GCNT2: variants seen among roughly 807,000 people sequenced by gnomAD.
GCNT2 encodes glucosaminyl (N-acetyl) transferase 2 (I blood group).
A neutral mutation model predicts 34.2 loss-of-function variants in GCNT2; 34 were observed. The observed-to-expected ratio is 1.00, with a 90% CI of 0.76 to 1.32. The LOEUF (loss-of-function observed/expected upper bound fraction) is 1.32. Among genes scored for constraint, GCNT2 ranks in the 40% most tolerant of loss-of-function variants. The pLI, the probability that GCNT2 is intolerant of heterozygous loss-of-function variation, is 0.00. For missense variants in GCNT2, 584 were observed against 489.4 expected (o/e 1.19, Z -1.82); for synonymous variants, 212 against 188.0 (o/e 1.13, Z -1.04).
intron 3 of GCNT2, among the ~76,000 whole-genome samples, chr6:10,588,451 T>C (rs745561294): frequency 5.3e-5 from 8 of 152,324 alleles, no homozygotes; most frequent in Non-Finnish European, 1.0e-4. Flanking sequence ...ACTGAAGCAA[T>C]AGTATGTTCA....
chr6:10,597,214 G>T (rs1764893293), intron 3 of GCNT2, among the ~76,000 whole-genome samples: 1 of 142,580 alleles, frequency 7.0e-6, no homozygotes, highest in African/African-American at 2.5e-5. Flanking sequence ...GGAGTGCAGT[G>T]GCATGATCTC....
chr6:10,581,261 T>G (rs571305032), intron 3 of GCNT2, among the ~76,000 whole-genome samples: 9 of 152,118 alleles, frequency 5.9e-5, no homozygotes, highest in East Asian at 1.9e-4. Flanking sequence ...ATGTATGTAT[T>G]TATTTATTTT....
chr6:10,622,272 G>T (rs928832634), intron 4 of GCNT2, among the ~76,000 whole-genome samples: 4 of 152,104 alleles, frequency 2.6e-5, no homozygotes, highest in African/African-American at 9.7e-5. Flanking sequence ...GTTTGCTAGG[G>T]CTGCCATAAC....
intron 3 of GCNT2, among the ~76,000 whole-genome samples, chr6:10,548,324 A>T (rs998278271): frequency 1.1e-4 from 17 of 152,246 alleles, no homozygotes; most frequent in Non-Finnish European, 2.5e-4. Flanking sequence ...GGGCACTGAC[A>T]CCAAGATATT....
intron 3 of GCNT2, among the ~76,000 whole-genome samples, chr6:10,582,227 T>TTTAA (rs1764112380): frequency 9.7e-6 from 1 of 103,454 alleles, no homozygotes. Flanking sequence ...TATAATTATA[T>TTTAA]ATATTTAAAT....
chr6:10,539,930 T>A (rs1761961013), intron 3 of GCNT2, among the ~76,000 whole-genome samples: 1 of 152,082 alleles, frequency 6.6e-6, no homozygotes, highest in African/African-American at 2.4e-5. Flanking sequence ...ATACAAAAGT[T>A]AACCGGGCTT....
intron 3 of GCNT2, among the ~76,000 whole-genome samples, chr6:10,566,133 G>A (rs1159791832): frequency 6.6e-6 from 1 of 150,810 alleles, no homozygotes; most frequent in East Asian, 1.9e-4. Context: ...CCTCTCCCGG[G>A]AGGCTCCCGG....
Position 10,589,164 on chromosome 6 carries a change from GGT to G in GCNT2, c.926-32177_926-32176del, listed in dbSNP as rs377736417. 8.9e-3 allele frequency among the ~76,000 whole-genome samples: 976 copies of G among 110,002 alleles called. 16 individuals carry two copies. Among genetic ancestry groups the G allele is most frequent in the African/African-American group, 0.026 (849 of 32,794 alleles). The allele number at this position is 110,002 out of a possible 152,430, so 72.2% of individuals were successfully genotyped here. A position where few individuals can be genotyped will look rare whatever the true frequency, so the allele number is the denominator to read the frequency against. On this transcript the variant is annotated intron_variant, in intron 3 of 4. Transcript: ENST00000495262. Reference sequence around the variant, plus strand: ...ATGTGGTGTGGGTGTGTGTGCGTGTGGTGTGTGTGTGGTGTATGTGCGTCATG... The same window carrying G: ...ATGTGGTGTGGGTGTGTGTGCGTGTGGTGTGTGTGGTGTATGTGCGTCATG...
At chr6:10,538,095 ACAT>A (rs752750710) in intron 3 of GCNT2, among the ~76,000 whole-genome samples, 2 of 152,022 alleles carry the variant, frequency 1.3e-5, no homozygotes, top group African/African-American at 2.4e-5. Context: ...TGGCTTTCAC[ACAT>A]CATAAGGTAA....
intron 3 of GCNT2, among the ~76,000 whole-genome samples, chr6:10,552,981 G>A (rs544524817): frequency 4.6e-5 from 7 of 152,228 alleles, no homozygotes; most frequent in South Asian, 2.1e-4. Flanking sequence ...CTCTCAACGC[G>A]ACTTTAACAA....
chr6:10,582,206 T>A (rs1581441089), intron 3 of GCNT2, among the ~76,000 whole-genome samples: 1 of 116,502 alleles, frequency 8.6e-6, no homozygotes, highest in Admixed American at 9.9e-5. Context: ...ATATATAAAA[T>A]TTATTATATA....
intron 3 of GCNT2, among the ~76,000 whole-genome samples, chr6:10,565,285 T>C (rs1763226454): frequency 6.6e-6 from 1 of 152,192 alleles, no homozygotes; most frequent in African/African-American, 2.4e-5. Flanking sequence ...TGTGGGCAAG[T>C]GCTGGGCACA....
intron 3 of GCNT2, among the ~76,000 whole-genome samples, chr6:10,582,758 T>C (rs1189953107): frequency 6.6e-6 from 1 of 150,764 alleles, no homozygotes; most frequent in Non-Finnish European, 1.5e-5. Flanking sequence ...AATCAAAATA[T>C]CAGTTCATTA....
chr6:10,584,663 T>G (rs1183131463), intron 3 of GCNT2, among the ~76,000 whole-genome samples: 2 of 152,194 alleles, frequency 1.3e-5, no homozygotes, highest in East Asian at 3.9e-4. Context: ...TAATAGAGAA[T>G]GGAGAATGGC....
chr6:10,618,953 G>C (rs138492217), intron 3 of GCNT2, among the ~76,000 whole-genome samples: 1,802 of 152,230 alleles, frequency 0.012, 42 homozygotes, highest in African/African-American at 0.041. Context: ...AGGAAAAGCT[G>C]TAACAAAATT....
chr6:10,568,126 C>G (rs1384361892), intron 3 of GCNT2, among the ~76,000 whole-genome samples: 5 of 152,160 alleles, frequency 3.3e-5, no homozygotes, highest in Non-Finnish European at 2.9e-5. Context: ...CCTTTGTGAT[C>G]TCATTTACAT....
intron 3 of GCNT2, among the ~76,000 whole-genome samples, chr6:10,566,730 G>A (rs1047518556): frequency 6.6e-6 from 1 of 152,238 alleles, no homozygotes. Flanking sequence ...AGATGATGGA[G>A]TCCCAACTTA....
chr6:10,535,911 A>T (rs571990724), intron 3 of GCNT2, among the ~76,000 whole-genome samples: 27 of 152,200 alleles, frequency 1.8e-4, no homozygotes, highest in Non-Finnish European at 3.2e-4. Flanking sequence ...GACTAGCCCT[A>T]TTGGATATTC....
intron 1 of GCNT2, among the ~76,000 whole-genome samples, chr6:10,526,439 A>G (rs778810334): frequency 7.2e-5 from 11 of 152,210 alleles, no homozygotes; most frequent in Admixed American, 1.3e-4. Context: ...GGAAAAATCA[A>G]CAGGAATAAC....
Sources: allele counts gnomAD v4.1 joint callset (sites outside exome capture counted in the v4.1 genomes callset), GRCh38; gene constraint gnomAD v4.1.1; transcripts MANE v1.5; gene names NCBI Gene and HGNC (gene_info 2026-07-23, HGNC 2026-07-21).